Variants in GNA13 observed in about 807,000 individuals in gnomAD.
GNA13 encodes the protein guanine nucleotide-binding protein subunit alpha-13.
GNA13 carries 4 observed loss-of-function variants against 33.5 expected under a neutral mutation model. The observed-to-expected ratio is 0.12, with a 90% CI of 0.06 to 0.27. The LOEUF is 0.27. GNA13 is among the 10% of genes least tolerant of loss of function. The pLI is 1.00. For missense variants in GNA13, 319 were observed against 487.2 expected (o/e 0.65, Z 3.25); for synonymous variants, 176 against 183.8 (o/e 0.96, Z 0.34).
rs150480826 is a variant in GNA13, at chr17:65,055,282, T to C, written c.283+1029A>G. On this transcript the variant is annotated intron_variant, in intron 1 of 3. Coordinates refer to ENST00000439174, the MANE Select transcript of GNA13 (RefSeq NM_006572.6). ...CGCAGAAACGAGTGTTAATTATCTT[T>C]CAAATGACAAAATAAAAACCATCTT... 2.0e-5 allele frequency among the ~76,000 whole-genome samples: 3 copies of C among 152,324 alleles called. No homozygotes were observed. In the East Asian group the frequency reaches 5.8e-4, roughly 29 times the overall value.
chr17:65,033,326 A>T (rs538721978), intron 2 of GNA13, among the ~76,000 whole-genome samples: 18 of 151,862 alleles, frequency 1.2e-4, no homozygotes, highest in African/African-American at 4.3e-4. Context: ...CTCTAAAAAA[A>T]AAAGAAGAAA....
intron 2 of GNA13, among the ~76,000 whole-genome samples, chr17:65,031,884 GAGAGAGAGAGAA>G (rs1312380620): frequency 1.5e-5 from 2 of 129,660 alleles, no homozygotes; most frequent in African/African-American, 3.0e-5. Context: ...GAGAGAGAGA[GAGAGAGAGAGAA>G]AGAGAGAGAG....
At chr17:65,042,060 T>C (rs1035723075) in intron 2 of GNA13, among the ~76,000 whole-genome samples, 2 of 151,988 alleles carry the variant, frequency 1.3e-5, no homozygotes, top group African/African-American at 4.8e-5. Flanking sequence ...AAAGGTACTG[T>C]GAAAAAATGA....
intron 2 of GNA13, among the ~76,000 whole-genome samples, chr17:65,047,729 G>A (rs757712495): frequency 6.6e-6 from 1 of 151,750 alleles, no homozygotes; most frequent in Non-Finnish European, 1.5e-5. Context: ...AACTCTTGAG[G>A]TCAAGCAATC....
chr17:65,021,063 C>A (rs565496190), intron 2 of GNA13, among the ~76,000 whole-genome samples: 1 of 152,152 alleles, frequency 6.6e-6, no homozygotes, highest in Non-Finnish European at 1.5e-5. Flanking sequence ...CAGAACACTA[C>A]AGGTAAGTTT....
chr17:65,031,919 AGAGTGTGTGTGT>A (rs1467447807), intron 2 of GNA13, among the ~76,000 whole-genome samples: 7 of 125,576 alleles, frequency 5.6e-5, no homozygotes, highest in African/African-American at 2.2e-4. Flanking sequence ...AGAGAGAGAG[AGAGTGTGTGTGT>A]GTGTGTGTGT....
intron 2 of GNA13, among the ~76,000 whole-genome samples, chr17:65,038,647 G>A (rs1403303507): frequency 6.6e-6 from 1 of 152,074 alleles, no homozygotes; most frequent in Admixed American, 6.5e-5. Context: ...GGCTGGTCTC[G>A]AGCTCTTGAG....
At chr17:65,056,269 C>T in intron 1 of GNA13, 42 bp downstream of exon 1, 1 of 1,345,982 alleles carries the variant, frequency 7.4e-7, no homozygotes. Flanking sequence ...CCGCCCCAGC[C>T]CCCCTGCCCT....
At chr17:65,019,048 G>A (rs1354713871) in intron 2 of GNA13, among the ~76,000 whole-genome samples, 9 of 152,218 alleles carry the variant, frequency 5.9e-5, no homozygotes, top group East Asian at 1.9e-4. Flanking sequence ...TCACTTTCCC[G>A]CGGGATTCTA....
At chr17:65,039,141 T>C (rs1295747290) in intron 2 of GNA13, among the ~76,000 whole-genome samples, 1 of 152,170 alleles carries the variant, frequency 6.6e-6, no homozygotes, top group Non-Finnish European at 1.5e-5. Context: ...CTTGAGTCAC[T>C]CTTAATATAT....
rs1373731397 is a variant in GNA13 at position 65,010,702 on chromosome 17, A to G, written c.*3555T>C. On this transcript the variant is annotated 3_prime_UTR_variant, in exon 4 of 4. Transcript: ENST00000439174. The stretch of plus-strand genomic sequence containing the variant: ...TCTCAAATAAAACTAAAATAAATGA[A>G]ATGGTAACAGAGTGACTTTCTCTAA... 4.8e-6 allele frequency: 1 copy of G among 207,266 alleles called. No homozygotes were observed. 12.8% of individuals were successfully genotyped at this position (207,266 alleles called of 1,614,324 possible).
At chr17:65,054,281 G>A (rs184823991) in intron 1 of GNA13, among the ~76,000 whole-genome samples, 42 of 152,316 alleles carry the variant, frequency 2.8e-4, no homozygotes, top group African/African-American at 9.6e-4. Flanking sequence ...TTAAGTTACA[G>A]GATGGCCTTC....
rs994607192 is a variant in GNA13 at position 65,012,101 on chromosome 17, G to A, written c.*2156C>T. ...AAACTGCAAATGCCCAAAATAACAT[G>A]ATATCTATTTGGTGTTTCAACACTT... On this transcript the variant is annotated 3_prime_UTR_variant, in exon 4 of 4. Transcript: ENST00000439174. The A allele has an allele frequency of 1.3e-5, 3 of 226,994 alleles. No homozygotes were observed. Among genetic ancestry groups the A allele is most frequent in the African/African-American group, 2.2e-5 (1 of 44,954 alleles). 14.1% of individuals were successfully genotyped at this position (226,994 alleles called of 1,614,324 possible).
intron 2 of GNA13, among the ~76,000 whole-genome samples, chr17:65,022,581 TAC>T (rs1390823787): frequency 6.6e-6 from 1 of 152,186 alleles, no homozygotes; most frequent in African/African-American, 2.4e-5. Flanking sequence ...TGCCAACATT[TAC>T]AGACTAAGCT....
intron 1 of GNA13, among the ~76,000 whole-genome samples, chr17:65,054,136 A>C (rs934519417): frequency 6.6e-6 from 1 of 152,242 alleles, no homozygotes; most frequent in African/African-American, 2.4e-5. Flanking sequence ...AAAGATGTTC[A>C]TTTATGAAAC....
At chr17:65,038,417 A>C (rs1444758713) in intron 2 of GNA13, among the ~76,000 whole-genome samples, 1 of 148,334 alleles carries the variant, frequency 6.7e-6, no homozygotes, top group Non-Finnish European at 1.5e-5. Context: ...AAAAAAAAAA[A>C]CCATTTATTT....
Position 65,056,669 on chromosome 17 carries a change from G to T in GNA13, c.-76C>A, listed in dbSNP as rs1908078327. ...CCTCCTCCGGCGGCGGGCGGCTCCG[G>T]CACCGAGGCTCGAGGGCGGGGAGCG... is the stretch of plus-strand genomic sequence containing the variant. On this transcript the variant is annotated 5_prime_UTR_variant, in exon 1 of 4. Transcript: ENST00000439174. The T allele has an allele frequency of 8.2e-7, 1 of 1,215,874 alleles. No homozygotes were observed. Among genetic ancestry groups the T allele is most frequent in the African/African-American group, 1.6e-5 (1 of 62,950 alleles). The allele number at this position is 1,215,874 out of a possible 1,614,324, so 75.3% of individuals were successfully genotyped here.
chr17:65,042,115 TAGGGAG>T (rs1907475739), intron 2 of GNA13, among the ~76,000 whole-genome samples: 1 of 152,062 alleles, frequency 6.6e-6, no homozygotes, highest in Non-Finnish European at 1.5e-5. Context: ...TCCCCGCACT[TAGGGAG>T]GTCAAGGCAG....
In GNA13 at chr17:65,013,499, T is replaced by C. The variant is rs778233939; in HGVS notation, c.*758A>G. On this transcript the variant is annotated 3_prime_UTR_variant, in exon 4 of 4. Transcript: ENST00000439174. ...TTCACATATGGTACATTAAACTACATGATAATTAAATATGAGAAAGGCAAA... is the reference window on the plus strand; with the variant it reads ...TTCACATATGGTACATTAAACTACACGATAATTAAATATGAGAAAGGCAAA... The C allele has an allele frequency of 4.7e-6, 1 of 213,442 alleles. No individual in the cohort carries two copies. The highest frequency in any genetic ancestry group is 9.5e-6 in the Non-Finnish European group (1 of 105,254). 13.2% of individuals were successfully genotyped at this position (213,442 alleles called of 1,614,324 possible).
Sources: gnomAD v4.1 joint callset for allele counts (sites outside exome capture counted in the v4.1 genomes callset) on GRCh38, gnomAD v4.1.1 for gene constraint, MANE v1.5 for transcripts, NCBI Gene and HGNC (gene_info 2026-07-23, HGNC 2026-07-21) for gene names.